The following INPP5B variants were observed in gnomAD, a reference collection of about 807,000 sequenced individuals.
INPP5B encodes the protein type II inositol 1,4,5-trisphosphate 5-phosphatase.
In INPP5B, 90 loss-of-function variants were observed where a neutral mutation model predicts 118.5. The observed-to-expected ratio is 0.76, with a 90% CI of 0.64 to 0.90. The LOEUF (loss-of-function observed/expected upper bound fraction) is 0.90, where lower values mean the gene tolerates loss of function less well. INPP5B is among the 40% of genes least tolerant of loss of function. INPP5B has a pLI of 0.00. For missense variants in INPP5B, 984 were observed against 1,125.6 expected, an observed-to-expected ratio of 0.87 and a Z score of 1.80; for synonymous variants, 385 against 418.9, an observed-to-expected ratio of 0.92 and a Z score of 0.99.
intron 7 of INPP5B, among the ~76,000 whole-genome samples, chr1:37,918,920 A>G (rs2148626408): frequency 6.6e-6 from 1 of 152,306 alleles, no homozygotes; most frequent in Non-Finnish European, 1.5e-5. Context: ...TAGTTAGGTA[A>G]TACGTTCAAT....
intron 23 of INPP5B, among the ~76,000 whole-genome samples, chr1:37,863,287 G>A (rs913829686): frequency 1.3e-5 from 2 of 151,362 alleles, no homozygotes; most frequent in African/African-American, 2.4e-5. Flanking sequence ...AGGCCGAGGC[G>A]GGTGGAATCA....
intron 7 of INPP5B, among the ~76,000 whole-genome samples, chr1:37,926,545 G>C (rs968284290): frequency 6.6e-6 from 1 of 152,168 alleles, no homozygotes; most frequent in Admixed American, 6.5e-5. Context: ...GCCTCTGAAA[G>C]TGCTGGGATT....
At chr1:37,886,358 G>A (rs2148508495) in intron 12 of INPP5B, among the ~76,000 whole-genome samples, 1 of 151,822 alleles carries the variant, frequency 6.6e-6, no homozygotes, top group East Asian at 1.9e-4. Context: ...CTGGCCTCAA[G>A]TGATCCACCC....
At chr1:37,915,323 G>T (rs895968081) in intron 7 of INPP5B, among the ~76,000 whole-genome samples, 5 of 152,154 alleles carry the variant, frequency 3.3e-5, no homozygotes, top group Non-Finnish European at 5.9e-5. Context: ...ACCCCAGCAG[G>T]GTCTGAGGCA....
intron 7 of INPP5B, among the ~76,000 whole-genome samples, chr1:37,903,174 C>T (rs1043636190): frequency 3.9e-5 from 6 of 152,076 alleles, no homozygotes; most frequent in African/African-American, 4.8e-5. Context: ...TACTAAGTCA[C>T]AGGATGAGAT....
At chr1:37,902,538 G>A (rs1644367913) in intron 7 of INPP5B, among the ~76,000 whole-genome samples, 1 of 151,988 alleles carries the variant, frequency 6.6e-6, no homozygotes, top group Non-Finnish European at 1.5e-5. Context: ...AAGACAACAT[G>A]GTAAAACCCT....
At chr1:37,917,606 G>A (rs777092327) in intron 7 of INPP5B, among the ~76,000 whole-genome samples, 7 of 151,694 alleles carry the variant, frequency 4.6e-5, no homozygotes, top group Admixed American at 2.6e-4. Flanking sequence ...TTACAGGCAT[G>A]AGCCACTGTG....
intron 7 of INPP5B, among the ~76,000 whole-genome samples, chr1:37,896,322 G>A (rs572901240): frequency 9.8e-4 from 134 of 136,270 alleles, no homozygotes; most frequent in African/African-American, 2.8e-3. Flanking sequence ...CCTGGCAACC[G>A]CCCCGTCTGA....
intron 7 of INPP5B, chr1:37,931,508 C>G (rs1194326159): frequency 6.5e-7 from 1 of 1,535,080 alleles, no homozygotes; most frequent in South Asian, 1.2e-5. Context: ...AGAAGAACAT[C>G]ACAGAACTTC....
chr1:37,883,054 A>T, intron 13 of INPP5B, 136 bp from the exon 14 acceptor site: 5 of 1,439,150 alleles, frequency 3.5e-6, no homozygotes, highest in Non-Finnish European at 4.5e-6. Context: ...TGTTCGGAAA[A>T]TTTTTTTCTC....
At chr1:37,895,803 G>A (rs1305269869) in intron 7 of INPP5B, among the ~76,000 whole-genome samples, 9 of 152,170 alleles carry the variant, frequency 5.9e-5, no homozygotes, top group African/African-American at 1.7e-4. Flanking sequence ...ACGGAGTCTC[G>A]TTCACTCAGT....
At chr1:37,876,686 C>T (rs1471620014) in intron 16 of INPP5B, among the ~76,000 whole-genome samples, 1 of 132,690 alleles carries the variant, frequency 7.5e-6, no homozygotes, top group South Asian at 2.4e-4. Flanking sequence ...GGTGAAACCC[C>T]GTCTCTACTA....
At chr1:37,901,830 C>T (rs576741644) in intron 7 of INPP5B, among the ~76,000 whole-genome samples, 2 of 152,248 alleles carry the variant, frequency 1.3e-5, no homozygotes, top group African/African-American at 4.8e-5. Context: ...CCTCTGGCCA[C>T]AGCTTCCTGT....
Position 37,891,821 on chromosome 1 carries a change from T to C in INPP5B, c.533-367A>G, listed in dbSNP as rs145387976. 4.6e-5 allele frequency among the ~76,000 whole-genome samples: 7 copies of C among 152,248 alleles called. No individual in the cohort carries two copies. The East Asian group carries it at 1.2e-3, about 25-fold the overall frequency. Reference sequence around the variant, plus strand: ...TAAATAAATAAATGAAACATACATATGCTTTAATATACAGACAACAGCTTC... The same window carrying C: ...TAAATAAATAAATGAAACATACATACGCTTTAATATACAGACAACAGCTTC... On this transcript the variant is annotated intron_variant, in intron 7 of 23. Coordinates refer to ENST00000373024, the MANE Select transcript of INPP5B (RefSeq NM_005540.3).
chr1:37,940,882 G>A, intron 5 of INPP5B, 84 bp from the exon 6 acceptor site: 1 of 924,378 alleles, frequency 1.1e-6, no homozygotes, highest in Non-Finnish European at 1.7e-6. Context: ...TGGAGAATCA[G>A]CAACCCAGAC....
intron 6 of INPP5B, among the ~76,000 whole-genome samples, chr1:37,938,294 T>TC (rs781555848): frequency 0.024 from 3,529 of 149,434 alleles, 60 homozygotes; most frequent in Non-Finnish European, 0.038. Context: ...AATAAATAAA[T>TC]AAATAAATAA....
At chr1:37,886,345 C>T (rs1643536724) in intron 12 of INPP5B, among the ~76,000 whole-genome samples, 1 of 152,004 alleles carries the variant, frequency 6.6e-6, no homozygotes, top group Non-Finnish European at 1.5e-5. Context: ...CTCTCTCGAA[C>T]TCCTGGCCTC....
At chr1:37,894,823 T>A (rs1643965156) in intron 7 of INPP5B, among the ~76,000 whole-genome samples, 1 of 152,210 alleles carries the variant, frequency 6.6e-6, no homozygotes, top group Non-Finnish European at 1.5e-5. Flanking sequence ...ATTACGGGCA[T>A]GAGCCACTAT....
intron 7 of INPP5B, among the ~76,000 whole-genome samples, chr1:37,906,755 G>A (rs1285709977): frequency 6.6e-6 from 1 of 151,872 alleles, no homozygotes; most frequent in Non-Finnish European, 1.5e-5. Flanking sequence ...AGATACTCGG[G>A]AGGTTGAGAC....
Sources: gnomAD v4.1 joint callset for allele counts (sites outside exome capture counted in the v4.1 genomes callset) on GRCh38, gnomAD v4.1.1 for gene constraint, MANE v1.5 for transcripts, NCBI Gene and HGNC (gene_info 2026-07-23, HGNC 2026-07-21) for gene names.